MND1: variants seen among roughly 807,000 people sequenced by gnomAD.
The protein encoded by MND1 is meiotic nuclear divisions 1, also known as meiotic nuclear division protein 1 homolog.
Under a neutral mutation model 35.1 loss-of-function variants are expected in MND1, and 28 were observed. The ratio of observed to expected loss-of-function variants is 0.80; its 90% CI spans 0.59 to 1.09. The LOEUF (loss-of-function observed/expected upper bound fraction) is 1.09, where lower values mean the gene tolerates loss of function less well. Ranked by LOEUF, MND1 falls within the 50% of genes least tolerant of loss-of-function variation. MND1 has a pLI of 0.00. For missense variants in MND1, 213 were observed against 239.6 expected, an observed-to-expected ratio of 0.89 and a Z score of 0.73; for synonymous variants, 69 against 70.5, an observed-to-expected ratio of 0.98 and a Z score of 0.11.
chr4:153,380,009 C>T (rs776193029), intron 4 of MND1, among the ~76,000 whole-genome samples: 4 of 151,940 alleles, frequency 2.6e-5, no homozygotes, highest in Non-Finnish European at 5.9e-5. Context: ...CAACAAAGCA[C>T]GACCCTATCC....
intron 4 of MND1, among the ~76,000 whole-genome samples, chr4:153,389,154 C>T (rs1048297874): frequency 5.3e-5 from 8 of 152,162 alleles, no homozygotes; most frequent in African/African-American, 1.7e-4. Flanking sequence ...AATGGGAAGA[C>T]GGGTTCTCAA....
intron 6 of MND1, among the ~76,000 whole-genome samples, chr4:153,404,472 G>C (rs929003248): frequency 2.7e-5 from 4 of 146,702 alleles, no homozygotes; most frequent in Admixed American, 6.9e-5. Context: ...TTACAGGTGT[G>C]AGCCACTGTG....
At chr4:153,366,478 G>C (rs1173132330) in intron 4 of MND1, among the ~76,000 whole-genome samples, 1 of 152,216 alleles carries the variant, frequency 6.6e-6, no homozygotes, top group Non-Finnish European at 1.5e-5. Flanking sequence ...AGTTTGAAGT[G>C]ACTGTTAGAC....
chr4:153,349,915 A>T, intron 1 of MND1, 149 bp from the exon 2 acceptor site: 1 of 556,444 alleles, frequency 1.8e-6, no homozygotes, highest in Admixed American at 3.5e-5. Context: ...GGCAGATAGT[A>T]ATTAAAATGA....
intron 7 of MND1, among the ~76,000 whole-genome samples, chr4:153,412,081 T>A (rs1648924063): frequency 6.6e-6 from 1 of 152,202 alleles, no homozygotes; most frequent in Non-Finnish European, 1.5e-5. Flanking sequence ...AAGTAAAGAT[T>A]CATTTTAGAT....
At chr4:153,408,896 A>C in intron 6 of MND1, 75 bp from the exon 7 acceptor site, 1 of 478,460 alleles carries the variant, frequency 2.1e-6, no homozygotes, top group Non-Finnish European at 3.1e-6. Context: ...ATACATAGCT[A>C]AAGATCATTT....
At position 153,344,724 on chromosome 4, in the gene MND1, C is replaced by G. The variant is rs764146469; in HGVS notation, c.-14C>G. 1 of 1,593,516 alleles carries G rather than the reference C, an allele frequency of 6.3e-7. No homozygotes were observed. The highest frequency in any genetic ancestry group is 8.5e-7 in the Non-Finnish European group (1 of 1,171,502). On this transcript the variant is annotated 5_prime_UTR_variant, in exon 1 of 8. Transcript: ENST00000240488. ...AGCGCGGGCCCGGCCAGCGGAAGCC[C>G]CTGCGCCCGCGCCATGGTAAGGACT...
intron 4 of MND1, among the ~76,000 whole-genome samples, chr4:153,380,820 A>G (rs1728657187): frequency 1.3e-5 from 2 of 152,310 alleles, no homozygotes; most frequent in Middle Eastern, 3.4e-3. Flanking sequence ...TTTTACTGGT[A>G]AGTTATTTTA....
At chr4:153,386,003 G>A (rs537904799) in intron 4 of MND1, among the ~76,000 whole-genome samples, 7 of 152,258 alleles carry the variant, frequency 4.6e-5, no homozygotes, top group Non-Finnish European at 7.4e-5. Flanking sequence ...GGATGATAAT[G>A]ATGTCAATGT....
intron 4 of MND1, among the ~76,000 whole-genome samples, chr4:153,367,941 A>G (rs1773697305): frequency 6.6e-6 from 1 of 152,120 alleles, no homozygotes; most frequent in African/African-American, 2.4e-5. Context: ...GGTGATGTTG[A>G]GCATCTTTTC....
intron 4 of MND1, chr4:153,363,047 A>G: frequency 1.0e-6 from 1 of 983,960 alleles, no homozygotes; most frequent in Non-Finnish European, 1.2e-6. Context: ...GTTATTTTCC[A>G]TGGAGTTTGC....
chr4:153,379,421 A>T (rs1728606856), intron 4 of MND1, among the ~76,000 whole-genome samples: 1 of 152,084 alleles, frequency 6.6e-6, no homozygotes, highest in Non-Finnish European at 1.5e-5. Flanking sequence ...AGCCATTCTA[A>T]AAGGCCAGGA....
intron 4 of MND1, among the ~76,000 whole-genome samples, chr4:153,363,923 AG>A (rs1388122564): frequency 6.6e-6 from 1 of 152,196 alleles, no homozygotes; most frequent in Non-Finnish European, 1.5e-5. Context: ...CACACTCACT[AG>A]GATGGCTACT....
At chr4:153,397,086 TTA>T (rs775006803) in intron 5 of MND1, 131 bp from the exon 6 acceptor site, 4 of 572,144 alleles carry the variant, frequency 7.0e-6, no homozygotes, top group African/African-American at 1.9e-5. Flanking sequence ...GTGTGTATAC[TTA>T]TATATATAAT....
At chr4:153,351,352 TAGTG>T (rs1355556595) in intron 2 of MND1, among the ~76,000 whole-genome samples, 1 of 152,204 alleles carries the variant, frequency 6.6e-6, no homozygotes, top group Non-Finnish European at 1.5e-5. Context: ...GTTCAGTAAT[TAGTG>T]AGGTTTTCCA....
chr4:153,414,554 A>T (rs992889833), intron 7 of MND1, among the ~76,000 whole-genome samples, 197 bp from the exon 8 acceptor site: 4 of 152,182 alleles, frequency 2.6e-5, no homozygotes, highest in African/African-American at 9.7e-5. Flanking sequence ...AAGTGCTGGA[A>T]TTACAGGCAT....
intron 4 of MND1, among the ~76,000 whole-genome samples, chr4:153,369,125 C>A (rs1773730110): frequency 1.3e-5 from 2 of 152,178 alleles, no homozygotes. Context: ...GGGTCTTGGG[C>A]TGCAGATCTC....
chr4:153,354,583 G>T (rs565272621), intron 2 of MND1, among the ~76,000 whole-genome samples: 1 of 152,102 alleles, frequency 6.6e-6, no homozygotes, highest in African/African-American at 2.4e-5. Context: ...GCTTACTGCA[G>T]CCTCAACCTC....
chr4:153,378,092 A>G (rs1036866821), intron 4 of MND1, among the ~76,000 whole-genome samples: 18 of 152,306 alleles, frequency 1.2e-4, no homozygotes, highest in African/African-American at 3.1e-4. Flanking sequence ...AAACATACAG[A>G]AACATGATGA....
Sources: gnomAD v4.1 joint callset for allele counts (sites outside exome capture counted in the v4.1 genomes callset) on GRCh38, gnomAD v4.1.1 for gene constraint, MANE v1.5 for transcripts, NCBI Gene and HGNC (gene_info 2026-07-23, HGNC 2026-07-21) for gene names.